GYG1: variants seen among roughly 807,000 people sequenced by gnomAD.
GYG1 encodes the protein glycogenin-1.
A neutral mutation model predicts 41.9 loss-of-function variants in GYG1; 44 were observed. That is an observed-to-expected ratio of 1.05 (90% confidence interval 0.83 to 1.35). GYG1 has a LOEUF of 1.35. Among genes scored for constraint, GYG1 ranks in the 40% most tolerant of loss-of-function variants. The probability of loss-of-function intolerance (pLI) is 0.00; values close to 1 mark genes in which losing one functional copy is unlikely to be tolerated. For synonymous variants in GYG1, 141 were observed against 158.1 expected, an observed-to-expected ratio of 0.89 and a Z score of 0.81; for missense variants, 429 against 418.9, an observed-to-expected ratio of 1.02 and a Z score of -0.21.
At chr3:149,021,668 CTT>C (rs996748130) in intron 5 of GYG1, among the ~76,000 whole-genome samples, 2 of 152,092 alleles carry the variant, frequency 1.3e-5, no homozygotes, top group African/African-American at 4.8e-5. Flanking sequence ...TAAAATTTAC[CTT>C]GTAGAAATAT....
chr3:148,994,137 T>G lies in GYG1; in HGVS notation c.8-5T>G. 1 of 1,612,986 alleles carries G rather than the reference T, an allele frequency of 6.2e-7. No homozygotes were observed. Among genetic ancestry groups the G allele is most frequent in the Non-Finnish European group, 8.5e-7 (1 of 1,179,038 alleles). On this transcript the variant is annotated splice_region_variant and splice_polypyrimidine_tract_variant and intron_variant, in intron 1 of 7. Transcript: ENST00000345003. ...AATGAGTGTTTTTTTTTTCTTTGTA[T>G]TAAGATCAGGCCTTTGTGACACTAA...
chr3:149,007,251 C>T (rs1378781172), intron 4 of GYG1, among the ~76,000 whole-genome samples: 2 of 152,226 alleles, frequency 1.3e-5, no homozygotes, highest in East Asian at 3.8e-4. Context: ...CTTCCAAAGA[C>T]CCCACTCCAG....
chr3:149,014,697 C>CAT (rs1158815483), intron 5 of GYG1, among the ~76,000 whole-genome samples: 1 of 151,330 alleles, frequency 6.6e-6, no homozygotes, highest in Non-Finnish European at 1.5e-5. Context: ...AAAAAAAATA[C>CAT]ATATATATAA....
chr3:148,997,821 T>G (rs1712895133), intron 4 of GYG1, among the ~76,000 whole-genome samples: 1 of 152,378 alleles, frequency 6.6e-6, no homozygotes, highest in Non-Finnish European at 1.5e-5. Flanking sequence ...TGCTGTGTGC[T>G]ATTCACATGG....
Position 149,026,778 on chromosome 3 carries a change from A to T in GYG1, c.898A>T (p.Ile300Leu). 1.9e-6 allele frequency: 3 copies of T among 1,611,800 alleles called. No homozygotes were observed. Among genetic ancestry groups the T allele is most frequent in the Non-Finnish European group, 2.5e-6 (3 of 1,177,844 alleles). Residue 300 changes from isoleucine to leucine, a missense_variant, in exon 8 of 8, where the codon ATA (isoleucine) becomes TTA (leucine). Coordinates refer to ENST00000345003, the MANE Select transcript of GYG1 (RefSeq NM_004130.4). ...FCRKEDVSGA[I>L]SHLSLGEIPA... ...TTTCTAGGAAGATGTCTCAGGAGCC[A>T]TATCACATCTGTCCCTTGGGGAGAT...
chr3:148,994,683 G>A (rs1368539447), intron 2 of GYG1, among the ~76,000 whole-genome samples: 2 of 152,122 alleles, frequency 1.3e-5, no homozygotes. Flanking sequence ...TGCAAACTAG[G>A]GAAACTCTCA....
Position 148,996,370 on chromosome 3 carries a change from A to G in GYG1, c.212A>G (p.His71Arg). The change falls in exon 3 of 8, where the codon CAT (histidine) becomes CGT (arginine). Residue 71 changes from histidine (H) to arginine (R), a missense_variant. Transcript: ENST00000345003. ...GTCTTGGACAGTGGCGATTCTGCTC[A>G]TCTAACCTTAATGAAGAGGCCAGAG... ...VDVLDSGDSAHLTLMKRPELG... is the reference protein window; with the variant it reads ...VDVLDSGDSARLTLMKRPELG... 2 of 1,612,244 alleles carry G rather than the reference A, an allele frequency of 1.2e-6. No homozygotes were observed. Among genetic ancestry groups the G allele is most frequent in the Non-Finnish European group, 1.7e-6 (2 of 1,179,160 alleles).
intron 2 of GYG1, among the ~76,000 whole-genome samples, chr3:148,995,539 G>A (rs968544931): frequency 2.0e-5 from 3 of 152,084 alleles, no homozygotes; most frequent in Non-Finnish European, 2.9e-5. Flanking sequence ...AGTCTATTAG[G>A]ATATGTCTAA....
intron 4 of GYG1, among the ~76,000 whole-genome samples, chr3:149,005,237 G>T (rs1713323980): frequency 6.6e-6 from 1 of 151,810 alleles, no homozygotes. Context: ...TATTTAGAAA[G>T]AAAAGATCTA....
At chr3:149,003,615 A>G (rs1713231097) in intron 4 of GYG1, among the ~76,000 whole-genome samples, 1 of 152,206 alleles carries the variant, frequency 6.6e-6, no homozygotes, top group South Asian at 2.1e-4. Context: ...AGTACTTCTC[A>G]AATTTAATAT....
intron 3 of GYG1, 110 bp from the exon 4 acceptor site, chr3:148,996,632 G>T (rs1413215223): frequency 1.6e-6 from 2 of 1,234,056 alleles, no homozygotes; most frequent in Non-Finnish European, 1.2e-6. Flanking sequence ...GGAGGCCCAG[G>T]CTGCCTTACA....
At chr3:149,017,503 T>A (rs1427988373) in intron 5 of GYG1, among the ~76,000 whole-genome samples, 6 of 151,626 alleles carry the variant, frequency 4.0e-5, no homozygotes, top group African/African-American at 1.5e-4. Context: ...AGTTCAACGC[T>A]ATCTTCTGAC....
chr3:148,992,494 GT>G (rs1712546915), intron 1 of GYG1: 1 of 152,254 alleles, frequency 6.6e-6, no homozygotes, highest in African/African-American at 2.4e-5. Flanking sequence ...TCTAACCTGT[GT>G]TCTATCCCTT....
At chr3:148,994,822 A>G (rs183861151) in intron 2 of GYG1, among the ~76,000 whole-genome samples, 170 of 152,316 alleles carry the variant, frequency 1.1e-3, no homozygotes, top group Non-Finnish European at 1.7e-3. Flanking sequence ...ACTAGGGGAA[A>G]CACACTAAAG....
At chr3:149,008,472 C>T (rs1713533942) in intron 4 of GYG1, among the ~76,000 whole-genome samples, 1 of 152,182 alleles carries the variant, frequency 6.6e-6, no homozygotes, top group Non-Finnish European at 1.5e-5. Flanking sequence ...GGGACACGGT[C>T]CCCCGTCTTT....
At chr3:149,017,920 T>C (rs1457996592) in intron 5 of GYG1, among the ~76,000 whole-genome samples, 1 of 152,056 alleles carries the variant, frequency 6.6e-6, no homozygotes, top group Non-Finnish European at 1.5e-5. Flanking sequence ...GCCTCTATTT[T>C]GTTTTTAGCC....
intron 4 of GYG1, among the ~76,000 whole-genome samples, chr3:148,998,976 A>G (rs1367805792): frequency 6.6e-6 from 1 of 152,214 alleles, no homozygotes; most frequent in Non-Finnish European, 1.5e-5. Context: ...TGGCCTGCCA[A>G]CTGCCTGAAA....
chr3:149,013,032 T>TGTGTGTGTGTGTGTGTGTGTG (rs61477065), intron 5 of GYG1, among the ~76,000 whole-genome samples: 5 of 150,942 alleles, frequency 3.3e-5, no homozygotes, highest in Admixed American at 2.0e-4. Flanking sequence ...TGTGTGTGTG[T>TGTGTGTGTGTGTGTGTGTGTG]TTTATAGAGA....
At chr3:149,016,782 C>G (rs1418458331) in intron 5 of GYG1, among the ~76,000 whole-genome samples, 9 of 152,172 alleles carry the variant, frequency 5.9e-5, no homozygotes, top group Admixed American at 5.9e-4. Context: ...TGACTCCTAA[C>G]TTAGATTGTG....
Sources: gnomAD v4.1 joint callset for allele counts (sites outside exome capture counted in the v4.1 genomes callset) on GRCh38, gnomAD v4.1.1 for gene constraint, MANE v1.5 for transcripts, NCBI Gene and HGNC (gene_info 2026-07-23, HGNC 2026-07-21) for gene names.